The following RBFOX1 variants were observed in gnomAD, a reference collection of about 807,000 sequenced individuals.
RBFOX1 encodes RNA binding protein fox-1 homolog 1.
Under a neutral mutation model 57.7 loss-of-function variants are expected in RBFOX1, and 8 were observed. The observed-to-expected ratio is 0.14, with a 90% CI of 0.08 to 0.25. The LOEUF is 0.25. Ranked by LOEUF, RBFOX1 falls within the 10% of genes least tolerant of loss-of-function variation. The pLI, the probability that RBFOX1 is intolerant of heterozygous loss-of-function variation, is 1.00. For missense variants in RBFOX1, 611 were observed against 548.5 expected (o/e 1.11, Z -1.14); for synonymous variants, 326 against 222.4 (o/e 1.47, Z -4.15).
intron 1 of RBFOX1, among the ~76,000 whole-genome samples, chr16:6,287,971 T>C (rs1017641895): frequency 6.6e-6 from 1 of 152,158 alleles, no homozygotes; most frequent in African/African-American, 2.4e-5. Context: ...TGAACAGTGT[T>C]AAGCGTTGGT....
chr16:5,335,906 A>G (rs1396985000), intron 1 of RBFOX1, among the ~76,000 whole-genome samples: 2 of 152,144 alleles, frequency 1.3e-5, no homozygotes, highest in African/African-American at 2.4e-5. Flanking sequence ...CCTGCCATAT[A>G]TGGATTCTGT....
At chr16:5,909,502 C>T (rs1451799971) in intron 4 of RBFOX1, among the ~76,000 whole-genome samples, 1 of 152,222 alleles carries the variant, frequency 6.6e-6, no homozygotes, top group African/African-American at 2.4e-5. Context: ...CAGTCCTCTT[C>T]AGCACCTCCA....
At chr16:5,406,906 T>C (rs1420966254) in intron 1 of RBFOX1, among the ~76,000 whole-genome samples, 1 of 152,144 alleles carries the variant, frequency 6.6e-6, no homozygotes, top group Non-Finnish European at 1.5e-5. Context: ...GCAGTGTGTG[T>C]GATGTGGGAT....
At chr16:6,832,883 G>A (rs1313814747) in intron 3 of RBFOX1, among the ~76,000 whole-genome samples, 1 of 152,212 alleles carries the variant, frequency 6.6e-6, no homozygotes, top group Non-Finnish European at 1.5e-5. Flanking sequence ...CTTGGTTCTG[G>A]ATTGACAGGC....
At chr16:6,663,608 G>T (rs1568111195) in intron 3 of RBFOX1, among the ~76,000 whole-genome samples, 1 of 152,228 alleles carries the variant, frequency 6.6e-6, no homozygotes, top group Non-Finnish European at 1.5e-5. Context: ...TAAGGGCAGA[G>T]GCTGCTGTGA....
At chr16:6,867,704 C>G (rs1232977448) in intron 3 of RBFOX1, among the ~76,000 whole-genome samples, 1 of 152,084 alleles carries the variant, frequency 6.6e-6, no homozygotes, top group Non-Finnish European at 1.5e-5. Context: ...AAGACTCTGT[C>G]TCAGAAGGAC....
At chr16:5,938,633 C>T (rs1233638897) in intron 4 of RBFOX1, among the ~76,000 whole-genome samples, 1 of 152,136 alleles carries the variant, frequency 6.6e-6, no homozygotes, top group East Asian at 1.9e-4. Flanking sequence ...TAGGATGCAA[C>T]AGACCTGACT....
intron 4 of RBFOX1, among the ~76,000 whole-genome samples, chr16:7,273,196 T>TCCTCCCTTCCTTCCTCCCTTCCTTCCTC (rs2095366323): frequency 5.9e-5 from 3 of 50,644 alleles, no homozygotes; most frequent in African/African-American, 3.0e-4. Context: ...CTCCCTTCCT[T>TCCTCCCTTCCTTCCTCCCTTCCTTCCTC]CCTCCCTCCC....
intron 4 of RBFOX1, among the ~76,000 whole-genome samples, chr16:7,272,275 C>G (rs1221536183): frequency 3.9e-5 from 6 of 152,174 alleles, no homozygotes; most frequent in African/African-American, 9.7e-5. Context: ...ACCTCCACCT[C>G]CCTGGTTCAA....
intron 4 of RBFOX1, among the ~76,000 whole-genome samples, chr16:7,377,305 A>G (rs2147751339): frequency 6.6e-6 from 1 of 152,280 alleles, no homozygotes; most frequent in South Asian, 2.1e-4. Flanking sequence ...GGTCCGTATC[A>G]CCCACGTGAG....
In RBFOX1 at chr16:5,588,060, C is replaced by T. The variant is rs2046890806; in HGVS notation, c.259-10842C>T. ...CCTGCATCCCTGATGCCTGCTGTAACTTGTTTGAACCTTGGGAACATGATG... is the reference window on the plus strand; with the variant it reads ...CCTGCATCCCTGATGCCTGCTGTAATTTGTTTGAACCTTGGGAACATGATG... On this transcript the variant is annotated intron_variant, in intron 2 of 2. Coordinates refer to the RBFOX1 transcript ENST00000585867. Among the ~76,000 whole-genome samples, 4 of 152,330 alleles carry T rather than the reference C, an allele frequency of 2.6e-5. No individual in the cohort carries two copies. In the South Asian group the frequency reaches 8.3e-4, roughly 32 times the overall value.
chr16:6,336,344 C>T (rs546348405), intron 2 of RBFOX1, among the ~76,000 whole-genome samples: 6 of 150,462 alleles, frequency 4.0e-5, no homozygotes, highest in African/African-American at 9.7e-5. Flanking sequence ...TATAGGCGCC[C>T]GCCACCACGC....
At chr16:6,756,609 C>G (rs1359512257) in intron 3 of RBFOX1, among the ~76,000 whole-genome samples, 1 of 152,072 alleles carries the variant, frequency 6.6e-6, no homozygotes, top group Non-Finnish European at 1.5e-5. Flanking sequence ...ACAGTCAACT[C>G]CATAGCAATA....
At chr16:6,667,988 TA>T (rs2098742971) in intron 3 of RBFOX1, among the ~76,000 whole-genome samples, 1 of 152,210 alleles carries the variant, frequency 6.6e-6, no homozygotes, top group South Asian at 2.1e-4. Flanking sequence ...CTCTGTTTCT[TA>T]GATTCCTAGT....
At chr16:6,993,465 G>C (rs1356280640) in intron 3 of RBFOX1, among the ~76,000 whole-genome samples, 1 of 152,158 alleles carries the variant, frequency 6.6e-6, no homozygotes, top group Non-Finnish European at 1.5e-5. Context: ...GAGTGGGAAG[G>C]GGAGATGGGG....
chr16:7,012,961 A>G (rs560070812), intron 3 of RBFOX1, among the ~76,000 whole-genome samples: 2 of 152,258 alleles, frequency 1.3e-5, no homozygotes, highest in African/African-American at 4.8e-5. Flanking sequence ...GCAGATGGCC[A>G]CCTTCTCAAT....
intron 1 of RBFOX1, among the ~76,000 whole-genome samples, chr16:6,093,578 A>G (rs926731792): frequency 6.6e-6 from 1 of 152,066 alleles, no homozygotes; most frequent in Non-Finnish European, 1.5e-5. Context: ...GTATTTATGT[A>G]TTGTGTAATT....
intron 2 of RBFOX1, among the ~76,000 whole-genome samples, chr16:5,592,774 C>T (rs2047052250): frequency 6.6e-6 from 1 of 152,180 alleles, no homozygotes; most frequent in Admixed American, 6.5e-5. Context: ...ATGATCTGGC[C>T]TCATAGGCTC....
Position 6,342,158 on chromosome 16 carries a change from T to C in RBFOX1, c.-64+25101T>C, listed in dbSNP as rs1567974925. Among the ~76,000 whole-genome samples the C allele has an allele frequency of 2.0e-5, 3 of 152,112 alleles. No individual in the cohort carries two copies. The East Asian group carries it at 5.8e-4, about 29-fold the overall frequency. ...TTGAAGGGGAGTGATGGTGGTCAAT[T>C]TGCATTTCAAAGGATCACTCTGCTG... On this transcript the variant is annotated intron_variant, in intron 2 of 15. Transcript: ENST00000550418.
Sources: gnomAD v4.1 joint callset for allele counts (sites outside exome capture counted in the v4.1 genomes callset) on GRCh38, gnomAD v4.1.1 for gene constraint, MANE v1.5 for transcripts, NCBI Gene and HGNC (gene_info 2026-07-23, HGNC 2026-07-21) for gene names.